NDUFA13: variants seen among roughly 807,000 people sequenced by gnomAD.
NDUFA13 encodes NADH dehydrogenase [ubiquinone] 1 alpha subcomplex subunit 13.
Under a neutral mutation model 17.0 loss-of-function variants are expected in NDUFA13, and 16 were observed. The observed-to-expected ratio is 0.94, with a 90% CI of 0.64 to 1.43. NDUFA13 has a LOEUF of 1.43. Ranked by LOEUF, NDUFA13 falls within the 40% of genes most tolerant of loss-of-function variation. The pLI is 0.00. For synonymous variants in NDUFA13, 87 were observed against 78.4 expected, an observed-to-expected ratio of 1.11 and a Z score of -0.58; for missense variants, 228 against 206.7, an observed-to-expected ratio of 1.10 and a Z score of -0.63.
intron 1 of NDUFA13, among the ~76,000 whole-genome samples, chr19:19,518,526 C>A (rs987524855): frequency 2.0e-5 from 3 of 151,172 alleles, no homozygotes; most frequent in Non-Finnish European, 4.4e-5. Flanking sequence ...CGACCCACCA[C>A]GCCTGGCGTT....
rs184233418 is a variant in NDUFA13 at position 19,527,268 on chromosome 19, C to A, written c.174-13C>A. ...CCTGGTCTGACCTGAGTGTGGGTTT[C>A]GGGCTTTCACAGGCGCCTACAAATC... is the stretch of plus-strand genomic sequence containing the variant. On this transcript the variant is annotated splice_polypyrimidine_tract_variant and intron_variant, in intron 2 of 4. Coordinates refer to ENST00000507754, the MANE Select transcript of NDUFA13 (RefSeq NM_015965.7). 6.2e-7 allele frequency: 1 copy of A among 1,612,402 alleles called. No individual in the cohort carries two copies. Among genetic ancestry groups the A allele is most frequent in the East Asian group, 2.2e-5 (1 of 44,814 alleles).
intron 1 of NDUFA13, among the ~76,000 whole-genome samples, chr19:19,517,263 G>A (rs1217386485): frequency 6.7e-6 from 1 of 149,084 alleles, no homozygotes; most frequent in African/African-American, 2.5e-5. Context: ...TTTTTAAGAC[G>A]GTATGGTTCT....
intron 1 of NDUFA13, among the ~76,000 whole-genome samples, chr19:19,524,306 C>T (rs577197504): frequency 6.6e-6 from 1 of 152,370 alleles, no homozygotes; most frequent in South Asian, 2.1e-4. Context: ...TTTCTGTCAT[C>T]TCATACATCT....
chr19:19,519,523 G>A (rs1455134064), intron 1 of NDUFA13, among the ~76,000 whole-genome samples: 8 of 152,264 alleles, frequency 5.3e-5, no homozygotes, highest in African/African-American at 1.9e-4. Flanking sequence ...GGAGTGAGGA[G>A]GATACCCCTA....
intron 2 of NDUFA13, chr19:19,526,594 G>T (rs1019239230): frequency 2.0e-5 from 8 of 391,222 alleles, no homozygotes; most frequent in Non-Finnish European, 3.4e-5. Flanking sequence ...GTTGGGACCC[G>T]TGGATCCAGA....
intron 1 of NDUFA13, among the ~76,000 whole-genome samples, chr19:19,522,579 C>T (rs1047201193): frequency 2.7e-5 from 4 of 148,954 alleles, no homozygotes; most frequent in African/African-American, 4.9e-5. Context: ...CCCGGGTTCA[C>T]GCCATTCTCC....
intron 1 of NDUFA13, among the ~76,000 whole-genome samples, chr19:19,520,731 T>G (rs1334490421): frequency 6.6e-6 from 1 of 152,240 alleles, no homozygotes; most frequent in Non-Finnish European, 1.5e-5. Flanking sequence ...TTTAGACCAC[T>G]TTCATTACCC....
At chr19:19,519,542 T>C (rs2061066592) in intron 1 of NDUFA13, among the ~76,000 whole-genome samples, 1 of 152,184 alleles carries the variant, frequency 6.6e-6, no homozygotes, top group African/African-American at 2.4e-5. Flanking sequence ...TATGCTGGTG[T>C]GCTCTTTGTT....
At chr19:19,527,161 TGCC>T in intron 2 of NDUFA13, 117 bp from the exon 3 acceptor site, 10 of 465,184 alleles carry the variant, frequency 2.1e-5, no homozygotes, top group Admixed American at 1.0e-4. Context: ...GCCCCCTGCC[TGCC>T]TCCCCGCCCC....
chr19:19,526,135 G>T (rs775619092), intron 1 of NDUFA13, 47 bp from the exon 2 acceptor site: 102 of 1,605,412 alleles, frequency 6.4e-5, no homozygotes, highest in Non-Finnish European at 8.6e-5. Context: ...TGTGGAGGAG[G>T]GTGTCTGGGG....
intron 1 of NDUFA13, among the ~76,000 whole-genome samples, chr19:19,523,405 C>A (rs572103942): frequency 1.3e-5 from 2 of 152,222 alleles, no homozygotes; most frequent in South Asian, 4.1e-4. Flanking sequence ...GCCTGGGCAA[C>A]ATAGCAAGAC....
In NDUFA13 at chr19:19,526,201, AG is replaced by A; in HGVS notation, c.117del (p.Ile40LeufsTer4). The A allele has an allele frequency of 6.2e-7, 1 of 1,614,100 alleles. No homozygotes were observed. Among genetic ancestry groups the A allele is most frequent in the Non-Finnish European group, 8.5e-7 (1 of 1,180,000 alleles). ...TCACAGGCTACAGCATGCTGGCCAT[AG>A]GGATTGGAACCCTGATCTACGGGCA... ...GLSGYSMLAI[G>X]IGTLIYGHWS... On this transcript the variant is annotated frameshift_variant, in exon 2 of 5. Transcript: ENST00000507754. LOFTEE classifies it high-confidence loss of function.
At chr19:19,517,244 C>CT (rs11399431) in intron 1 of NDUFA13, among the ~76,000 whole-genome samples, 35,426 of 146,336 alleles carry the variant, frequency 0.24, 5,367 homozygotes, top group African/African-American at 0.44. Context: ...ACATACATTT[C>CT]TTTTTTTTTT....
intron 3 of NDUFA13, 68 bp downstream of exon 3, chr19:19,527,420 G>A: frequency 6.4e-7 from 1 of 1,570,224 alleles, no homozygotes; most frequent in Non-Finnish European, 8.8e-7. Context: ...GGCCTGACCT[G>A]CATCCCCGAA....
chr19:19,522,631 A>G (rs145929776), intron 1 of NDUFA13, among the ~76,000 whole-genome samples: 4,167 of 151,868 alleles, frequency 0.027, 87 homozygotes, highest in Non-Finnish European at 0.04. Flanking sequence ...AGTGCCAGCC[A>G]CCACGCCCGG....
chr19:19,525,876 A>C, intron 1 of NDUFA13: 1 of 549,422 alleles, frequency 1.8e-6, no homozygotes, highest in Non-Finnish European at 3.0e-6. Flanking sequence ...CACCATGGAC[A>C]CTGTCAGAAC....
intron 1 of NDUFA13, among the ~76,000 whole-genome samples, chr19:19,520,671 T>C (rs2061072732): frequency 6.6e-6 from 1 of 152,178 alleles, no homozygotes; most frequent in African/African-American, 2.4e-5. Flanking sequence ...TCCAATTTAT[T>C]GATTTTTTAG....
Position 19,522,477 on chromosome 19 carries a change from C to CTTTTTTTTTTTTTTTTTTTTT in NDUFA13, c.95-3686_95-3685insTTTTTTTTTTTTTTTTTTTTT, listed in dbSNP as rs3067694. On this transcript the variant is annotated intron_variant, in intron 1 of 4. Coordinates refer to ENST00000507754, the MANE Select transcript of NDUFA13 (RefSeq NM_015965.7). ...AGCTCTTACGCTTAGGTCTTTGATC[C>CTTTTTTTTTTTTTTTTTTTTT]TTTTTTTTTTTTTTTTTTTGAGATG... Among the ~76,000 whole-genome samples, 2 of 95,016 alleles carry CTTTTTTTTTTTTTTTTTTTTT rather than the reference C, an allele frequency of 2.1e-5. 1 individual carries two copies. Among genetic ancestry groups the CTTTTTTTTTTTTTTTTTTTTT allele is most frequent in the Admixed American group, 2.5e-4 (2 of 7,854 alleles). 62.3% of individuals were successfully genotyped at this position (95,016 alleles called of 152,430 possible).
chr19:19,522,142 TA>T (rs1347698606), intron 1 of NDUFA13, among the ~76,000 whole-genome samples: 1 of 151,742 alleles, frequency 6.6e-6, no homozygotes, highest in Non-Finnish European at 1.5e-5. Context: ...CCATCTCTAC[TA>T]AAAATACAAA....
Sources: gnomAD v4.1 joint callset for allele counts (sites outside exome capture counted in the v4.1 genomes callset) on GRCh38, gnomAD v4.1.1 for gene constraint, MANE v1.5 for transcripts, NCBI Gene and HGNC (gene_info 2026-07-23, HGNC 2026-07-21) for gene names.